The following TRDN variants were observed in gnomAD, a reference collection of about 807,000 sequenced individuals.
TRDN encodes the protein triadin in skeletal muscle.
A neutral mutation model predicts 149.7 loss-of-function variants in TRDN; 161 were observed. The observed-to-expected ratio is 1.08, with a 90% CI of 0.95 to 1.23. The LOEUF is 1.23. TRDN is among the 50% of genes most tolerant of loss of function. The pLI is 0.00. For missense variants in TRDN, 896 were observed against 823.5 expected (o/e 1.09, Z -1.08); for synonymous variants, 294 against 250.5 (o/e 1.17, Z -1.64).
intron 31 of TRDN, 124 bp downstream of exon 31, chr6:123,269,725 A>C: frequency 1.2e-6 from 1 of 847,446 alleles, no homozygotes; most frequent in Non-Finnish European, 1.8e-6. Flanking sequence ...TTAATTTATT[A>C]TTAACAGTTA....
intron 21 of TRDN, chr6:123,352,318 C>T: frequency 1.0e-6 from 1 of 984,956 alleles, no homozygotes; most frequent in Non-Finnish European, 1.2e-6. Flanking sequence ...TGGGGAGTTT[C>T]CCTGTTCGGA....
chr6:123,636,193 A>G (rs536589649), intron 1 of TRDN, among the ~76,000 whole-genome samples: 14 of 152,074 alleles, frequency 9.2e-5, no homozygotes, highest in East Asian at 3.9e-4. Flanking sequence ...TACAAATTTT[A>G]TGGGAACACT....
intron 12 of TRDN, among the ~76,000 whole-genome samples, chr6:123,434,679 G>C: frequency 6.6e-6 from 1 of 152,030 alleles, no homozygotes; most frequent in Non-Finnish European, 1.5e-5. Flanking sequence ...TGTTTTTAAA[G>C]TCTTTATTTC....
intron 9 of TRDN, among the ~76,000 whole-genome samples, chr6:123,480,634 A>G (rs1463626466): frequency 6.6e-6 from 1 of 152,108 alleles, no homozygotes; most frequent in East Asian, 1.9e-4. Context: ...ATCGAGTCAC[A>G]TTTAATTATT....
intron 2 of TRDN, among the ~76,000 whole-genome samples, chr6:123,562,446 G>A (rs190445146): frequency 6.6e-5 from 10 of 152,274 alleles, no homozygotes; most frequent in Admixed American, 5.9e-4. Flanking sequence ...TATAAAAGAG[G>A]CCTAAGAGAG....
intron 38 of TRDN, among the ~76,000 whole-genome samples, chr6:123,228,839 T>G (rs948160169): frequency 1.3e-5 from 2 of 151,902 alleles, no homozygotes; most frequent in Non-Finnish European, 1.5e-5. Flanking sequence ...AGAACAGAAA[T>G]GAAGGAGAAG....
intron 38 of TRDN, among the ~76,000 whole-genome samples, chr6:123,247,259 C>G (rs1454134950): frequency 6.6e-6 from 1 of 152,168 alleles, no homozygotes; most frequent in Non-Finnish European, 1.5e-5. Flanking sequence ...CCAGGGCAAT[C>G]AGGCAAGAGA....
chr6:123,449,598 G>A (rs999621647), intron 10 of TRDN, among the ~76,000 whole-genome samples: 1 of 151,948 alleles, frequency 6.6e-6, no homozygotes, highest in African/African-American at 2.4e-5. Context: ...AAGAATAATC[G>A]GTTTTCCTGA....
At chr6:123,345,782 C>G (rs1163354660) in intron 21 of TRDN, among the ~76,000 whole-genome samples, 1 of 151,800 alleles carries the variant, frequency 6.6e-6, no homozygotes, top group Non-Finnish European at 1.5e-5. Flanking sequence ...AAAAATATAC[C>G]TAAGTGTTTA....
At chr6:123,477,650 G>A (rs1464727313) in intron 9 of TRDN, among the ~76,000 whole-genome samples, 1 of 151,902 alleles carries the variant, frequency 6.6e-6, no homozygotes, top group Non-Finnish European at 1.5e-5. Flanking sequence ...GCAAAGACTT[G>A]GAACCAACCC....
intron 4 of TRDN, among the ~76,000 whole-genome samples, chr6:123,539,800 T>C (rs1399681061): frequency 1.3e-5 from 2 of 152,242 alleles, no homozygotes; most frequent in Non-Finnish European, 2.9e-5. Context: ...GTTATTCATT[T>C]ATCTTTGACT....
chr6:123,503,703 T>G lies in TRDN; in HGVS notation c.793+16A>C, dbSNP rs1778798051. ...TCTCTTAGAACCTCCGGCAGCCTCC[T>G]GCTCTGAATGTTTACCTTTCTGTTC... On this transcript the variant is annotated intron_variant, in intron 8 of 40. Transcript: ENST00000334268. 1.2e-6 allele frequency: 2 copies of G among 1,613,446 alleles called. No individual in the cohort carries two copies. The highest frequency in any genetic ancestry group is 4.5e-5 in the East Asian group (2 of 44,850).
chr6:123,357,884 A>C (rs1030293391), intron 20 of TRDN, among the ~76,000 whole-genome samples: 1 of 152,180 alleles, frequency 6.6e-6, no homozygotes, highest in Non-Finnish European at 1.5e-5. Context: ...TTAAAGTGCT[A>C]TGTTTTTTGT....
chr6:123,377,760 GA>G lies in TRDN; in HGVS notation c.1220-19del, dbSNP rs750105897. 3.2e-5 allele frequency: 52 copies of G among 1,600,726 alleles called. No homozygotes were observed. The highest frequency in any genetic ancestry group is 1.8e-4 in the East Asian group (8 of 44,554). On this transcript the variant is annotated intron_variant, in intron 17 of 40. Transcript: ENST00000334268. ...TGACTTTGCTGTATCAAAAAGGAAAGAAAAAAAAATCAGCATTCTATGTCAT... is the reference window on the plus strand; with the variant it reads ...TGACTTTGCTGTATCAAAAAGGAAAGAAAAAAAATCAGCATTCTATGTCAT...
chr6:123,616,244 A>G (rs1303974193), intron 1 of TRDN, among the ~76,000 whole-genome samples: 1 of 152,000 alleles, frequency 6.6e-6, no homozygotes, highest in East Asian at 1.9e-4. Flanking sequence ...ACTTGGAAGG[A>G]TCCCTTGAGC....
chr6:123,250,026 A>G (rs1169012008), intron 38 of TRDN, among the ~76,000 whole-genome samples: 1 of 152,174 alleles, frequency 6.6e-6, no homozygotes, highest in African/African-American at 2.4e-5. Flanking sequence ...ATCAACATAA[A>G]AATGAGTAGC....
At chr6:123,453,802 C>T (rs534600832) in intron 10 of TRDN, among the ~76,000 whole-genome samples, 247 of 152,134 alleles carry the variant, frequency 1.6e-3, no homozygotes, top group African/African-American at 5.4e-3. Flanking sequence ...AGATTGAACA[C>T]GCATGTTTAT....
In TRDN at chr6:123,352,552, C is replaced by G; in HGVS notation, c.1356G>C (p.Lys452Asn). The change falls in exon 21 of 41, where the codon AAG (lysine) becomes AAC (asparagine). Residue 452 changes from lysine (K) to asparagine (N), a missense_variant. Physicochemically the swap from Lys to Asn is moderately conservative, Grantham distance 94 (BLOSUM62 0). Coordinates refer to ENST00000334268, the MANE Select transcript of TRDN (RefSeq NM_006073.4). ...ATTTTTTTTTACCTTGCTCCACTGT[C>G]TTGGTTGTTTTCTCTTCCTTCTTTC... ...VPGKKEEKTT[K>N]TVEQEIRKEK... 1.2e-6 allele frequency: 2 copies of G among 1,611,206 alleles called. No individual in the cohort carries two copies. The highest frequency in any genetic ancestry group is 1.7e-5 in the Admixed American group (1 of 59,604).
At chr6:123,635,895 C>T (rs985604170) in intron 1 of TRDN, among the ~76,000 whole-genome samples, 4 of 151,490 alleles carry the variant, frequency 2.6e-5, no homozygotes, top group South Asian at 2.1e-4. Context: ...CTAAGAAATA[C>T]GTACATATAT....
Sources: allele counts gnomAD v4.1 joint callset (sites outside exome capture counted in the v4.1 genomes callset), GRCh38; gene constraint gnomAD v4.1.1; transcripts MANE v1.5; gene names NCBI Gene and HGNC (gene_info 2026-07-23, HGNC 2026-07-21).